Variants in ART3 observed in about 807,000 individuals in gnomAD.
ART3 encodes the protein ecto-ADP-ribosyltransferase 3.
In ART3, 49 loss-of-function variants were observed where a neutral mutation model predicts 48.5. That is an observed-to-expected ratio of 1.01 (90% CI 0.80 to 1.28). The LOEUF is 1.28. ART3 is among the 50% of genes most tolerant of loss of function. The pLI is 0.00. For missense variants in ART3, 438 were observed against 454.3 expected (o/e 0.96, Z 0.33); for synonymous variants, 145 against 157.2 (o/e 0.92, Z 0.58).
At chr4:76,110,388 A>AT (rs2109818936) in intron 11 of ART3, among the ~76,000 whole-genome samples, 1 of 152,252 alleles carries the variant, frequency 6.6e-6, no homozygotes, top group African/African-American at 2.4e-5. Context: ...TATGTATGCT[A>AT]TTTTATATAA....
intron 1 of ART3, among the ~76,000 whole-genome samples, chr4:76,046,920 C>T (rs936474331): frequency 2.6e-5 from 4 of 151,864 alleles, no homozygotes; most frequent in Admixed American, 6.6e-5. Context: ...AAGGCCGCGC[C>T]AGTGTCCAGG....
chr4:76,111,994 GGT>G (rs1729583277), intron 11 of ART3: 1 of 154,644 alleles, frequency 6.5e-6, no homozygotes, highest in Non-Finnish European at 1.4e-5. Context: ...TGGAATTACA[GGT>G]GTGAGCCACC....
At chr4:76,043,991 A>G (rs1039660951) in intron 1 of ART3, among the ~76,000 whole-genome samples, 1 of 151,884 alleles carries the variant, frequency 6.6e-6, no homozygotes, top group African/African-American at 2.4e-5. Flanking sequence ...AGGCCAGGGG[A>G]AGTGCCAGCG....
At position 76,039,968 on chromosome 4, in the gene ART3, C is replaced by G. The variant is rs180838430; in HGVS notation, c.-10+28648C>G. Among the ~76,000 whole-genome samples the G allele has an allele frequency of 9.6e-3, 1,469 of 152,250 alleles. 8 individuals are homozygous for G. Among genetic ancestry groups the G allele is most frequent in the Non-Finnish European group, 0.015 (993 of 68,020 alleles). On this transcript the variant is annotated intron_variant, in intron 1 of 9. Coordinates refer to the ART3 transcript ENST00000341029. The stretch of plus-strand genomic sequence containing the variant: ...TCCCCCAAGGATAACAAGGGGACTA[C>G]TGTATTTTATTTTCTATTGTTTTAT...
At chr4:76,066,940 G>A (rs1719794985) in intron 1 of ART3, among the ~76,000 whole-genome samples, 1 of 152,148 alleles carries the variant, frequency 6.6e-6, no homozygotes, top group Non-Finnish European at 1.5e-5. Context: ...GGCCTTCCCA[G>A]GCCCCCAAGA....
chr4:76,105,382 T>G, intron 10 of ART3: 1 of 784,922 alleles, frequency 1.3e-6, no homozygotes, highest in Non-Finnish European at 1.7e-6. Flanking sequence ...CTTTCACATC[T>G]GTAAAATGAG....
intron 2 of ART3, among the ~76,000 whole-genome samples, chr4:76,080,338 A>C (rs1722181277): frequency 6.6e-6 from 1 of 152,150 alleles, no homozygotes; most frequent in Non-Finnish European, 1.5e-5. Flanking sequence ...CAAAAAAACC[A>C]CATCACACTG....
chr4:76,083,025 G>C (rs4274876), intron 3 of ART3, among the ~76,000 whole-genome samples: 1 of 151,902 alleles, frequency 6.6e-6, no homozygotes, highest in Non-Finnish European at 1.5e-5. Context: ...CACCATTTCT[G>C]CTAAAATAAA....
At chr4:76,102,589 T>TTTTCAAACAA (rs1727573225) in intron 8 of ART3, among the ~76,000 whole-genome samples, 2 of 149,782 alleles carry the variant, frequency 1.3e-5, no homozygotes, top group Admixed American at 6.7e-5. Context: ...CAAAACCATC[T>TTTTCAAACAA]AAAGATAGAA....
At chr4:76,019,389 T>C (rs986776862) in intron 1 of ART3, among the ~76,000 whole-genome samples, 2 of 149,286 alleles carry the variant, frequency 1.3e-5, no homozygotes, top group African/African-American at 2.5e-5. Context: ...ATGTTAAAAT[T>C]ATACTACAAC....
intron 1 of ART3, among the ~76,000 whole-genome samples, chr4:76,042,225 A>C (rs1420110146): frequency 6.6e-6 from 1 of 152,156 alleles, no homozygotes; most frequent in African/African-American, 2.4e-5. Flanking sequence ...AAAAGAGATT[A>C]ATGTAAGCTA....
At chr4:76,018,711 G>A (rs1266028752) in intron 1 of ART3, among the ~76,000 whole-genome samples, 1 of 152,124 alleles carries the variant, frequency 6.6e-6, no homozygotes, top group Non-Finnish European at 1.5e-5. Flanking sequence ...ATATAAAAGT[G>A]AATCTAAACA....
At chr4:76,012,395 A>C (rs1192878406) in intron 1 of ART3, among the ~76,000 whole-genome samples, 1 of 152,204 alleles carries the variant, frequency 6.6e-6, no homozygotes, top group Non-Finnish European at 1.5e-5. Context: ...ATTTCTTGAA[A>C]GTCTTAGAAG....
At chr4:76,061,339 T>G (rs932446738) in intron 1 of ART3, among the ~76,000 whole-genome samples, 10 of 152,198 alleles carry the variant, frequency 6.6e-5, no homozygotes, top group African/African-American at 2.4e-4. Context: ...AATACACTAT[T>G]TCTCTACACA....
intron 1 of ART3, among the ~76,000 whole-genome samples, chr4:76,052,599 G>T (rs1198822324): frequency 1.3e-5 from 2 of 151,836 alleles, no homozygotes; most frequent in Admixed American, 6.6e-5. Context: ...ATCATCCACC[G>T]CCCCCAACCC....
At chr4:76,104,069 A>G (rs182893114) in intron 9 of ART3, 100 bp downstream of exon 9, 255 of 1,284,164 alleles carry the variant, frequency 2.0e-4, no homozygotes, top group Non-Finnish European at 2.0e-5. Context: ...ATTCATGAAT[A>G]TTTCCCTTAT....
intron 1 of ART3, among the ~76,000 whole-genome samples, chr4:76,043,294 A>G (rs371619968): frequency 3.9e-5 from 6 of 152,036 alleles, no homozygotes; most frequent in Admixed American, 1.3e-4. Flanking sequence ...CTGTGTGCCC[A>G]CACTCCTCAG....
chr4:76,022,238 G>A (rs1732906531), intron 1 of ART3: 4 of 762,028 alleles, frequency 5.2e-6, no homozygotes, highest in African/African-American at 1.7e-5. Flanking sequence ...AATGGAGGTA[G>A]GGGAGGGCGT....
intron 6 of ART3, 147 bp from the exon 7 acceptor site, chr4:76,100,648 A>AAT: frequency 1.1e-6 from 1 of 926,874 alleles, no homozygotes; most frequent in Non-Finnish European, 1.6e-6. Context: ...AAAAAAAAAA[A>AAT]TTCTGGGGGC....
Sources: gnomAD v4.1 joint callset for allele counts (sites outside exome capture counted in the v4.1 genomes callset) on GRCh38, gnomAD v4.1.1 for gene constraint, MANE v1.5 for transcripts, NCBI Gene and HGNC (gene_info 2026-07-23, HGNC 2026-07-21) for gene names.